The following UBR3 variants were observed in gnomAD, a reference collection of about 807,000 sequenced individuals.
UBR3 encodes the protein E3 ubiquitin-protein ligase UBR3.
A neutral mutation model predicts 243.2 loss-of-function variants in UBR3; 85 were observed. The ratio of observed to expected loss-of-function variants is 0.35; its 90% CI spans 0.29 to 0.42. UBR3 has a LOEUF of 0.42. UBR3 is among the 10% of genes least tolerant of loss of function. UBR3 has a pLI of 1.00. For synonymous variants in UBR3, 748 were observed against 799.8 expected (o/e 0.94, Z 1.09); for missense variants, 1,686 against 2,300.8 (o/e 0.73, Z 5.47).
At chr2:170,057,007 G>A (rs1248618602) in intron 33 of UBR3, among the ~76,000 whole-genome samples, 1 of 151,824 alleles carries the variant, frequency 6.6e-6, no homozygotes, top group Non-Finnish European at 1.5e-5. Context: ...TTTCAATTCT[G>A]TTATTCTAAA....
At chr2:169,951,900 C>T (rs1466008873) in intron 23 of UBR3, among the ~76,000 whole-genome samples, 2 of 152,118 alleles carry the variant, frequency 1.3e-5, no homozygotes, top group Non-Finnish European at 2.9e-5. Flanking sequence ...GCCCTGATTT[C>T]TGACTTGAAT....
At chr2:169,944,155 T>C (rs1437684017) in intron 20 of UBR3, among the ~76,000 whole-genome samples, 2 of 152,236 alleles carry the variant, frequency 1.3e-5, no homozygotes, top group Non-Finnish European at 2.9e-5. Flanking sequence ...CTTTGAATGT[T>C]TACTTAGTGC....
intron 24 of UBR3, among the ~76,000 whole-genome samples, chr2:169,961,874 G>GGTT (rs760981820): frequency 1.5e-5 from 2 of 136,842 alleles, no homozygotes; most frequent in East Asian, 2.2e-4. Context: ...TTTTTCCCAT[G>GGTT]TTTTTTTTTT....
Position 170,075,872 on chromosome 2 carries a change from G to C in UBR3, c.5199+2265G>C, listed in dbSNP as rs769492924. On this transcript the variant is annotated intron_variant, in intron 36 of 38. Transcript: ENST00000272793. Reference sequence around the variant, plus strand: ...CTTTGTTTGGGAACAACAAAATCCAGTTCTGATTTAAAATAAGGAAAACCA... The same window carrying C: ...CTTTGTTTGGGAACAACAAAATCCACTTCTGATTTAAAATAAGGAAAACCA... Among the ~76,000 whole-genome samples the C allele has an allele frequency of 1.0e-3, 149 of 148,302 alleles. 1 individual carries two copies. The highest frequency in any genetic ancestry group is 6.8e-3 in the Middle Eastern group (2 of 294).
chr2:170,052,666 G>A (rs1437963423), intron 32 of UBR3, among the ~76,000 whole-genome samples: 9 of 152,188 alleles, frequency 5.9e-5, no homozygotes, highest in Admixed American at 5.9e-4. Flanking sequence ...GTAGGAGGGT[G>A]GTTCACATGG....
rs939771283 is a variant in UBR3 at position 170,083,627 on chromosome 2, T to C, written c.*1784T>C. On this transcript the variant is annotated 3_prime_UTR_variant, in exon 39 of 39. Coordinates refer to ENST00000272793, the MANE Select transcript of UBR3 (RefSeq NM_172070.4). ...TGAATAATTCTACAGTTTGAAACTC[T>C]GATGCTATATATACATGGTATAATG... 6.6e-6 allele frequency: 1 copy of C among 152,628 alleles called. No individual in the cohort carries two copies. Among genetic ancestry groups the C allele is most frequent in the African/African-American group, 2.4e-5 (1 of 41,460 alleles). The allele number at this position is 152,628 out of a possible 1,614,324, so 9.5% of individuals were successfully genotyped here. A position where few individuals can be genotyped will look rare whatever the true frequency, so the allele number is the denominator to read the frequency against.
chr2:169,895,440 T>C, intron 7 of UBR3, 129 bp downstream of exon 7: 2 of 1,045,820 alleles, frequency 1.9e-6, no homozygotes, highest in Non-Finnish European at 2.7e-6. Context: ...TAGTTTCTTC[T>C]CTTGATAACA....
intron 31 of UBR3, among the ~76,000 whole-genome samples, chr2:170,036,050 C>T (rs920318971): frequency 1.3e-5 from 2 of 151,808 alleles, no homozygotes; most frequent in African/African-American, 4.8e-5. Context: ...TTTATCAGTT[C>T]CAGGAGTTTT....
At chr2:169,844,209 G>A (rs1369335527) in intron 1 of UBR3, among the ~76,000 whole-genome samples, 2 of 151,970 alleles carry the variant, frequency 1.3e-5, no homozygotes, top group Non-Finnish European at 2.9e-5. Context: ...GTTTCACCAT[G>A]TTGGCCAGGC....
chr2:170,000,153 CA>C (rs147580589), intron 26 of UBR3, among the ~76,000 whole-genome samples: 16,345 of 143,918 alleles, frequency 0.11, 1,188 homozygotes, highest in African/African-American at 0.21. Context: ...AAAAACAAAA[CA>C]AAAAAAAAAC....
At chr2:169,919,610 C>A (rs1019822503) in intron 11 of UBR3, among the ~76,000 whole-genome samples, 2 of 152,128 alleles carry the variant, frequency 1.3e-5, no homozygotes, top group Non-Finnish European at 2.9e-5. Context: ...AACAAACTTA[C>A]AAGAAAAAAG....
intron 24 of UBR3, among the ~76,000 whole-genome samples, chr2:169,980,680 A>G (rs2088683092): frequency 6.6e-6 from 1 of 151,586 alleles, no homozygotes; most frequent in South Asian, 2.1e-4. Flanking sequence ...GGTTAGTTAC[A>G]TACGAATACA....
chr2:169,855,160 G>T (rs187239345), intron 1 of UBR3, among the ~76,000 whole-genome samples: 51 of 152,142 alleles, frequency 3.4e-4, no homozygotes, highest in African/African-American at 9.4e-4. Flanking sequence ...ATGTCTTCAC[G>T]GGTATGGAGA....
intron 5 of UBR3, among the ~76,000 whole-genome samples, chr2:169,881,135 A>G (rs1248519389): frequency 6.6e-6 from 1 of 152,144 alleles, no homozygotes; most frequent in Non-Finnish European, 1.5e-5. Context: ...CATGTGATGT[A>G]TATTTAATAC....
In UBR3 at chr2:169,906,182, T is replaced by G. The variant is rs1165619713; in HGVS notation, c.1779+18T>G. On this transcript the variant is annotated intron_variant, in intron 10 of 38. Transcript: ENST00000272793. ...AAGTTAGGGTATGTTGGAAATATTTTTGTTAATTTCTGTGTTTAAGAAAAA... is the reference window on the plus strand; with the variant it reads ...AAGTTAGGGTATGTTGGAAATATTTGTGTTAATTTCTGTGTTTAAGAAAAA... 6.5e-7 allele frequency: 1 copy of G among 1,527,254 alleles called. No homozygotes were observed. Among genetic ancestry groups the G allele is most frequent in the African/African-American group, 1.4e-5 (1 of 71,564 alleles). 94.6% of individuals were successfully genotyped at this position (1,527,254 alleles called of 1,614,324 possible).
intron 1 of UBR3, among the ~76,000 whole-genome samples, chr2:169,870,256 T>A (rs1349300331): frequency 6.6e-6 from 1 of 152,190 alleles, no homozygotes; most frequent in Non-Finnish European, 1.5e-5. Flanking sequence ...TTATCACAAA[T>A]TTGTATGTTC....
rs1284286774 is a variant in UBR3 at position 169,890,585 on chromosome 2, A to ATATGTATATATATGTG, written c.1039-577_1039-576insGTATATATATGTGTAT. Among the ~76,000 whole-genome samples, 770 of 106,526 alleles carry ATATGTATATATATGTG rather than the reference A, an allele frequency of 7.2e-3. 8 individuals are homozygous for ATATGTATATATATGTG. Among genetic ancestry groups the ATATGTATATATATGTG allele is most frequent in the Middle Eastern group, 0.04 (8 of 198 alleles). The allele number at this position is 106,526 out of a possible 152,430, so 69.9% of individuals were successfully genotyped here. On this transcript the variant is annotated intron_variant, in intron 5 of 38. Transcript: ENST00000272793. Reference sequence around the variant, plus strand: ...TATATGTGTATATATATATATGTATATATATATGTATATATATGTATATAT... The same window carrying ATATGTATATATATGTG: ...TATATGTGTATATATATATATGTATATATGTATATATATGTGTATATATGTATATATATGTATATAT...
intron 31 of UBR3, among the ~76,000 whole-genome samples, chr2:170,035,096 G>C (rs2090788933): frequency 6.6e-6 from 1 of 151,672 alleles, no homozygotes; most frequent in South Asian, 2.1e-4. Context: ...TGTGTCTTTT[G>C]CAAATGTTTT....
intron 6 of UBR3, among the ~76,000 whole-genome samples, chr2:169,891,439 G>C (rs1371713197): frequency 6.6e-6 from 1 of 152,040 alleles, no homozygotes; most frequent in African/African-American, 2.4e-5. Flanking sequence ...CATAAAATAT[G>C]CATTATCATA....
Sources: allele counts gnomAD v4.1 joint callset (sites outside exome capture counted in the v4.1 genomes callset), GRCh38; gene constraint gnomAD v4.1.1; transcripts MANE v1.5; gene names NCBI Gene and HGNC (gene_info 2026-07-23, HGNC 2026-07-21).